The following SORBS2 variants were observed in gnomAD, a reference collection of about 807,000 sequenced individuals.
SORBS2 encodes sorbin and SH3 domain-containing protein 2.
In SORBS2, 46 loss-of-function variants were observed where a neutral mutation model predicts 97.7. The observed-to-expected ratio is 0.47, with a 90% CI of 0.37 to 0.60. The LOEUF is 0.60. SORBS2 is among the 20% of genes least tolerant of loss of function. The pLI, the probability that SORBS2 is intolerant of heterozygous loss-of-function variation, is 0.00. For synonymous variants in SORBS2, 476 were observed against 473.4 expected (o/e 1.01, Z -0.07); for missense variants, 1,316 against 1,282.3 (o/e 1.03, Z -0.40).
chr4:185,867,126 C>T (rs1319431159), intron 1 of SORBS2, among the ~76,000 whole-genome samples: 1 of 152,160 alleles, frequency 6.6e-6, no homozygotes, highest in Admixed American at 6.5e-5. Context: ...ATTCTCCTGC[C>T]TCAGCCTCCT....
chr4:185,895,525 C>T (rs991361124), intron 1 of SORBS2, among the ~76,000 whole-genome samples: 10 of 152,208 alleles, frequency 6.6e-5, no homozygotes, highest in African/African-American at 1.9e-4. Context: ...GGCGCCCGGG[C>T]GACACCTGGT....
In SORBS2 at chr4:185,815,586, A is replaced by G. The variant is rs544007722; in HGVS notation, c.-337-40220T>C. ...AATATTTGTTTAGAAGGATTTTCAA[A>G]CAAATATATTATCATCAAAGAATAC... On this transcript the variant is annotated intron_variant, in intron 1 of 20. Coordinates refer to the SORBS2 transcript ENST00000284776. 4.6e-5 allele frequency among the ~76,000 whole-genome samples: 7 copies of G among 152,274 alleles called. No homozygotes were observed. In the South Asian group the frequency reaches 1.5e-3, roughly 32 times the overall value.
chr4:185,851,888 C>T (rs911480984), intron 1 of SORBS2, among the ~76,000 whole-genome samples: 2 of 152,108 alleles, frequency 1.3e-5, no homozygotes, highest in African/African-American at 2.4e-5. Context: ...TATTGTGGGG[C>T]CTTGTGACTG....
chr4:185,690,983 T>C (rs1385041446), intron 2 of SORBS2, among the ~76,000 whole-genome samples: 3 of 151,962 alleles, frequency 2.0e-5, no homozygotes, highest in Non-Finnish European at 4.4e-5. Flanking sequence ...CACTGCAATC[T>C]CTGCCTCCTG....
chr4:185,804,697 C>T (rs2099145621), intron 1 of SORBS2, among the ~76,000 whole-genome samples: 1 of 151,984 alleles, frequency 6.6e-6, no homozygotes, highest in Admixed American at 6.5e-5. Context: ...AGAGTGAAAT[C>T]TATATAAATT....
chr4:185,881,508 A>G (rs2099236862), intron 1 of SORBS2, among the ~76,000 whole-genome samples: 1 of 152,224 alleles, frequency 6.6e-6, no homozygotes, highest in South Asian at 2.1e-4. Context: ...TCAGACAAGA[A>G]AAAAGAAAGG....
chr4:185,620,209 G>C (rs977238285), intron 7 of SORBS2, 58 bp from the exon 20 acceptor site: 11 of 1,172,804 alleles, frequency 9.4e-6, no homozygotes, highest in Non-Finnish European at 1.4e-5. Flanking sequence ...AAGCCAACCT[G>C]TTCCGCCATT....
intron 4 of SORBS2, among the ~76,000 whole-genome samples, chr4:185,645,101 G>A (rs1217804647): frequency 2.0e-5 from 3 of 152,132 alleles, no homozygotes; most frequent in Admixed American, 6.6e-5. Flanking sequence ...TAGAAACATC[G>A]TGGTGGGAGA....
At chr4:185,639,157 C>T in intron 4 of SORBS2, 122 bp from the exon 14 acceptor site, 4 of 875,644 alleles carry the variant, frequency 4.6e-6, no homozygotes, top group Non-Finnish European at 6.7e-6. Context: ...CTCCGGACGG[C>T]GAAGTGTCCC....
At chr4:185,836,751 C>T (rs28408257) in intron 1 of SORBS2, among the ~76,000 whole-genome samples, 24,302 of 152,112 alleles carry the variant, frequency 0.16, 2,078 homozygotes, top group South Asian at 0.3. Flanking sequence ...GGATCAAATA[C>T]CTCTTGTCCA....
chr4:185,658,852 T>C (rs2097456949), upstream of SORBS2, among the ~76,000 whole-genome samples: 1 of 151,838 alleles, frequency 6.6e-6, no homozygotes, highest in Non-Finnish European at 1.5e-5. Flanking sequence ...GTACAAAAAA[T>C]TTTTGTACAA....
intron 1 of SORBS2, among the ~76,000 whole-genome samples, chr4:185,846,035 C>T (rs2149671871): frequency 6.6e-6 from 1 of 152,326 alleles, no homozygotes; most frequent in South Asian, 2.1e-4. Context: ...ACCTGGCAGT[C>T]CCAACTCCTT....
intron 1 of SORBS2, among the ~76,000 whole-genome samples, chr4:185,810,174 A>T (rs890621087): frequency 6.6e-6 from 1 of 152,236 alleles, no homozygotes; most frequent in African/African-American, 2.4e-5. Flanking sequence ...ACTTATCACC[A>T]AACGTTTGCA....
At chr4:185,952,770 G>A (rs552078381) in intron 1 of SORBS2, among the ~76,000 whole-genome samples, 2 of 152,042 alleles carry the variant, frequency 1.3e-5, no homozygotes, top group Non-Finnish European at 2.9e-5. Flanking sequence ...AATAAAAAAT[G>A]TTGTTCTGTC....
At chr4:185,604,479 G>A (rs2096357809) in intron 12 of SORBS2, among the ~76,000 whole-genome samples, 1 of 152,158 alleles carries the variant, frequency 6.6e-6, no homozygotes, top group South Asian at 2.1e-4. Context: ...AGGAAAGCAG[G>A]TGGCTGGGAA....
At chr4:185,599,169 C>T (rs1421007895) in intron 12 of SORBS2, among the ~76,000 whole-genome samples, 1 of 152,208 alleles carries the variant, frequency 6.6e-6, no homozygotes, top group East Asian at 1.9e-4. Context: ...ATGAAGACTT[C>T]TGTGAAATCA....
At chr4:185,827,288 CCAT>C (rs2099201162) in intron 1 of SORBS2, among the ~76,000 whole-genome samples, 27 of 1,196 alleles carry the variant, frequency 0.023, no homozygotes, top group Non-Finnish European at 0.031. Context: ...ATCATCATCA[CCAT>C]CATCATCATC....
In SORBS2 at chr4:185,638,902, C is replaced by A. The variant is rs146275441; in HGVS notation, c.396+7766G>T. ...CCGGGTGGGAGACAGAGCCGGGGCG[C>A]GCGAGCTTGGTGTGGGGGCGCCACT... is the stretch of plus-strand genomic sequence containing the variant. On this transcript the variant is annotated intron_variant, in intron 4 of 14. Coordinates refer to ENST00000418609, the Ensembl canonical transcript of SORBS2. The A allele has an allele frequency of 2.7e-3, 3,986 of 1,481,706 alleles. 7 individuals are homozygous for A. Among genetic ancestry groups the A allele is most frequent in the Non-Finnish European group, 3.3e-3 (3,681 of 1,120,340 alleles). The allele number at this position is 1,481,706 out of a possible 1,614,324, so 91.8% of individuals were successfully genotyped here.
chr4:185,649,810 CTTAA>C (rs575190017), intron 2 of SORBS2, among the ~76,000 whole-genome samples, 154 bp from the exon 12 acceptor site: 93 of 152,278 alleles, frequency 6.1e-4, no homozygotes, highest in Non-Finnish European at 1.0e-3. Flanking sequence ...AAGGTAGTTT[CTTAA>C]TTTATTAATA....
Sources: allele counts gnomAD v4.1 joint callset (sites outside exome capture counted in the v4.1 genomes callset), GRCh38; gene constraint gnomAD v4.1.1; transcripts MANE v1.5; gene names NCBI Gene and HGNC (gene_info 2026-07-23, HGNC 2026-07-21).